The following CA10 variants were observed in gnomAD, a reference collection of about 807,000 sequenced individuals.
CA10 encodes carbonic anhydrase-related protein 10.
In CA10, 14 loss-of-function variants were observed where a neutral mutation model predicts 44.2. The ratio of observed to expected loss-of-function variants is 0.32; its 90% CI spans 0.21 to 0.50. CA10 has a LOEUF of 0.50. CA10 is among the 20% of genes least tolerant of loss of function. CA10 has a pLI of 0.99. For missense variants in CA10, 350 were observed against 409.7 expected (o/e 0.85, Z 1.26); for synonymous variants, 159 against 141.6 (o/e 1.12, Z -0.87).
chr17:51,993,379 T>A (rs1399562386), intron 2 of CA10, among the ~76,000 whole-genome samples: 1 of 152,164 alleles, frequency 6.6e-6, no homozygotes, highest in Admixed American at 6.6e-5. Context: ...GGACCTCTTC[T>A]GAAGCATACA....
chr17:51,823,307 G>A (rs575890326), intron 3 of CA10, among the ~76,000 whole-genome samples: 1 of 152,310 alleles, frequency 6.6e-6, no homozygotes, highest in Non-Finnish European at 1.5e-5. Context: ...GCCACGGTGG[G>A]TGTATGCACT....
intron 2 of CA10, among the ~76,000 whole-genome samples, chr17:51,949,643 A>T (rs1314095507): frequency 6.6e-6 from 1 of 152,152 alleles, no homozygotes; most frequent in Non-Finnish European, 1.5e-5. Context: ...CCAACGCAGA[A>T]CTCCTTATTA....
intron 1 of CA10, among the ~76,000 whole-genome samples, chr17:52,114,517 C>T (rs977206106): frequency 6.6e-6 from 1 of 152,174 alleles, no homozygotes; most frequent in African/African-American, 2.4e-5. Flanking sequence ...ACATGTGAAG[C>T]TTTTTGAACT....
At chr17:51,846,759 G>A (rs954036221) in intron 3 of CA10, among the ~76,000 whole-genome samples, 3 of 152,164 alleles carry the variant, frequency 2.0e-5, no homozygotes, top group East Asian at 3.9e-4. Context: ...TAATGCTGTC[G>A]CGCTTGCTCT....
chr17:51,992,607 A>G (rs1341238306), intron 2 of CA10, among the ~76,000 whole-genome samples: 2 of 152,154 alleles, frequency 1.3e-5, no homozygotes, highest in Non-Finnish European at 2.9e-5. Context: ...CTTGACCAGA[A>G]TATGCAGGCT....
At chr17:51,989,029 T>G (rs1452452735) in intron 2 of CA10, among the ~76,000 whole-genome samples, 1 of 152,044 alleles carries the variant, frequency 6.6e-6, no homozygotes, top group Non-Finnish European at 1.5e-5. Flanking sequence ...TATTGGACAG[T>G]GTGTTCTAGA....
intron 3 of CA10, among the ~76,000 whole-genome samples, chr17:51,754,046 G>C (rs1904988878): frequency 6.6e-6 from 1 of 151,980 alleles, no homozygotes; most frequent in African/African-American, 2.4e-5. Flanking sequence ...GTTTCACCAT[G>C]TTGGCCAGGC....
chr17:51,770,218 ACCCTC>A (rs1905549121), intron 3 of CA10, among the ~76,000 whole-genome samples: 1 of 150,006 alleles, frequency 6.7e-6, no homozygotes, highest in Non-Finnish European at 1.5e-5. Context: ...CATTCCTGAC[ACCCTC>A]CCCGCCCCGC....
In CA10 at chr17:52,040,211, C is replaced by G. The variant is rs535392316; in HGVS notation, c.136+32108G>C. ...ATCAATAACAGAAAAACCACCATCT[C>G]CCCTGGAGGAAAGACATGGGCTCTC... On this transcript the variant is annotated intron_variant, in intron 2 of 8. Coordinates refer to ENST00000451037, the MANE Select transcript of CA10 (RefSeq NM_020178.5). 4.0e-5 allele frequency among the ~76,000 whole-genome samples: 6 copies of G among 149,646 alleles called. No individual in the cohort carries two copies. In the East Asian group the frequency reaches 1.0e-3, roughly 25 times the overall value.
chr17:51,877,790 C>T (rs908723252), intron 3 of CA10, among the ~76,000 whole-genome samples: 2 of 152,062 alleles, frequency 1.3e-5, no homozygotes, highest in Non-Finnish European at 2.9e-5. Flanking sequence ...AACTTTTTCA[C>T]ATTTTTTGTC....
chr17:51,693,674 ATTC>A (rs1167980046), intron 4 of CA10, among the ~76,000 whole-genome samples: 3 of 152,062 alleles, frequency 2.0e-5, no homozygotes, highest in South Asian at 2.1e-4. Flanking sequence ...TCATGATTTC[ATTC>A]TTTTTTTATT....
intron 3 of CA10, among the ~76,000 whole-genome samples, chr17:51,899,898 C>T (rs1598107364): frequency 1.3e-5 from 2 of 150,272 alleles, no homozygotes; most frequent in East Asian, 3.9e-4. Context: ...GTAGATTTTT[C>T]TACATCCCTT....
chr17:52,068,487 T>A (rs1987594685), intron 2 of CA10, among the ~76,000 whole-genome samples: 1 of 152,196 alleles, frequency 6.6e-6, no homozygotes, highest in Admixed American at 6.5e-5. Context: ...TGTCAAGTAT[T>A]CCTCACATTA....
At chr17:51,632,424 GAGAAAAAAGAA>G (rs1165529777) in intron 8 of CA10, among the ~76,000 whole-genome samples, 2 of 152,176 alleles carry the variant, frequency 1.3e-5, no homozygotes, top group Non-Finnish European at 2.9e-5. Context: ...GTATCTGAGA[GAGAAAAAAGAA>G]GGGAACAAGG....
intron 3 of CA10, among the ~76,000 whole-genome samples, chr17:51,859,631 T>C (rs530934404): frequency 6.5e-4 from 99 of 152,260 alleles, no homozygotes; most frequent in African/African-American, 2.3e-3. Context: ...CTACCTCCTA[T>C]TGATGATGTG....
chr17:51,932,407 A>G (rs1327789361), intron 2 of CA10, among the ~76,000 whole-genome samples: 1 of 152,166 alleles, frequency 6.6e-6, no homozygotes, highest in Non-Finnish European at 1.5e-5. Context: ...AGGAGTTTGG[A>G]GACACTTGCC....
In CA10 at chr17:51,908,275, C is replaced by T. The variant is rs184179434; in HGVS notation, c.279+22715G>A. On this transcript the variant is annotated intron_variant, in intron 3 of 8. Transcript: ENST00000451037. ...CCCACAAATGGTGACCCTGGGAGAG[C>T]TCATGCATGGCAGTGTAATTACTTT... 1.2e-3 allele frequency among the ~76,000 whole-genome samples: 189 copies of T among 152,270 alleles called. 5 individuals are homozygous for T. The South Asian group carries it at 0.023, about 18-fold the overall frequency.
At chr17:51,784,067 C>A (rs1478302493) in intron 3 of CA10, among the ~76,000 whole-genome samples, 1 of 152,060 alleles carries the variant, frequency 6.6e-6, no homozygotes, top group African/African-American at 2.4e-5. Context: ...TGGTACCTGA[C>A]CCCCCTTCTC....
At chr17:52,072,514 C>T (rs1474190918) in intron 1 of CA10, 121 bp from the exon 2 acceptor site, 2 of 593,016 alleles carry the variant, frequency 3.4e-6, no homozygotes, top group Non-Finnish European at 2.9e-6. Flanking sequence ...AGTCATACTA[C>T]AACAGAACCT....
Sources: gnomAD v4.1 joint callset for allele counts (sites outside exome capture counted in the v4.1 genomes callset) on GRCh38, gnomAD v4.1.1 for gene constraint, MANE v1.5 for transcripts, NCBI Gene and HGNC (gene_info 2026-07-23, HGNC 2026-07-21) for gene names.